RBM27: variants seen among roughly 807,000 people sequenced by gnomAD.
The protein encoded by RBM27 is RNA-binding protein 27.
A neutral mutation model predicts 135.3 loss-of-function variants in RBM27; 22 were observed. The ratio of observed to expected loss-of-function variants is 0.16; its 90% CI spans 0.12 to 0.23. The LOEUF (loss-of-function observed/expected upper bound fraction) is 0.23. Among genes scored for constraint, RBM27 ranks in the 10% least tolerant of loss-of-function variants. The probability of loss-of-function intolerance (pLI) is 1.00; values close to 1 mark genes in which losing one functional copy is unlikely to be tolerated. For missense variants in RBM27, 1,009 were observed against 1,281.0 expected, an observed-to-expected ratio of 0.79 and a Z score of 3.24; for synonymous variants, 481 against 442.4, an observed-to-expected ratio of 1.09 and a Z score of -1.10.
intron 11 of RBM27, 127 bp from the exon 12 acceptor site, chr5:146,260,618 G>T: frequency 1.5e-6 from 1 of 664,628 alleles, no homozygotes; most frequent in Non-Finnish European, 2.5e-6. Flanking sequence ...GGGATTATAG[G>T]TGGAGCCACC....
At chr5:146,217,509 CTG>C (rs1253862923) in intron 1 of RBM27, among the ~76,000 whole-genome samples, 2 of 109,522 alleles carry the variant, frequency 1.8e-5, no homozygotes, top group Non-Finnish European at 3.4e-5. Flanking sequence ...AGGTCTCACT[CTG>C]TTGCCTAGGC....
At chr5:146,225,174 C>T (rs888985622) in intron 3 of RBM27, among the ~76,000 whole-genome samples, 1 of 152,068 alleles carries the variant, frequency 6.6e-6, no homozygotes, top group Non-Finnish European at 1.5e-5. Flanking sequence ...GTTGCCCAGG[C>T]TGGTCTTGAA....
chr5:146,231,790 G>C (rs1756945724), intron 6 of RBM27, among the ~76,000 whole-genome samples: 1 of 151,620 alleles, frequency 6.6e-6, no homozygotes, highest in African/African-American at 2.4e-5. Context: ...GCTAATTTTT[G>C]TATTAGTAGA....
intron 15 of RBM27, among the ~76,000 whole-genome samples, chr5:146,269,001 G>T (rs762239247): frequency 1.3e-5 from 2 of 152,108 alleles, no homozygotes; most frequent in African/African-American, 2.4e-5. Flanking sequence ...AGCTAATTAG[G>T]TCCAATATTT....
rs199578137 is a variant in RBM27 at position 146,229,015 on chromosome 5, C to T, written c.373C>T (p.Arg125Cys). ...KKKYPSPQKTRSESSERRTRE... is the reference protein window; with the variant it reads ...KKKYPSPQKTCSESSERRTRE... ...GAAATATCCTAGTCCCCAGAAGACT[C>T]GTTCAGAATCTAGTGAACGAAGGTT... is the stretch of plus-strand genomic sequence containing the variant. The change falls in exon 4 of 21, where the codon CGT (arginine) becomes TGT (cysteine). Residue 125 changes from arginine (R) to cysteine (C), a missense_variant. Transcript: ENST00000265271. The T allele has an allele frequency of 1.3e-4, 205 of 1,613,404 alleles. No homozygotes were observed. Among genetic ancestry groups the T allele is most frequent in the Non-Finnish European group, 1.6e-4 (192 of 1,179,662 alleles).
rs1758406473 is a variant in RBM27, at chr5:146,261,722, CCAT to C, written c.2109_2111del (p.His704del). 1.2e-6 allele frequency: 2 copies of C among 1,614,070 alleles called. No homozygotes were observed. The highest frequency in any genetic ancestry group is 1.7e-6 in the Non-Finnish European group (2 of 1,180,020). On this transcript the variant is annotated inframe_deletion, in exon 13 of 21. Coordinates refer to ENST00000265271, the MANE Select transcript of RBM27 (RefSeq NM_018989.2). ...CACTTAGTCACCTCTCACAGCAGCA[CCAT>C]CACCTGCCACAGCATCTACATCAGC...
chr5:146,227,029 A>G lies in RBM27; in HGVS notation c.304-1917A>G, dbSNP rs78704034. ...TGTGCTTAGTTGCTCTGAACAGGGT[A>G]TAGAGAAGCAAATCTAGGGATTACC... On this transcript the variant is annotated intron_variant, in intron 3 of 20. Coordinates refer to ENST00000265271, the MANE Select transcript of RBM27 (RefSeq NM_018989.2). 5.9e-3 allele frequency among the ~76,000 whole-genome samples: 903 copies of G among 152,316 alleles called. 8 individuals are homozygous for G. Among genetic ancestry groups the G allele is most frequent in the African/African-American group, 0.02 (850 of 41,578 alleles).
intron 5 of RBM27, 111 bp downstream of exon 5, chr5:146,230,021 A>G: frequency 3.1e-6 from 4 of 1,275,012 alleles, no homozygotes; most frequent in Non-Finnish European, 4.3e-6. Context: ...GAGCAGTGTA[A>G]AAACTGGAAT....
At position 146,255,849 on chromosome 5, in the gene RBM27, TTTC is replaced by T. The variant is rs549358389; in HGVS notation, c.1594+769_1594+771del. Among the ~76,000 whole-genome samples, 210 of 152,146 alleles carry T rather than the reference TTTC, an allele frequency of 1.4e-3. 2 individuals carry two copies. Among genetic ancestry groups the T allele is most frequent in the African/African-American group, 4.6e-3 (193 of 41,518 alleles). ...CCTTTTCTTCCTTTCTTTTCCTTTT[TTTC>T]TTCTTCTTCTTTTTTTTTTTTGAAA... is the stretch of plus-strand genomic sequence containing the variant. On this transcript the variant is annotated intron_variant, in intron 10 of 20. Coordinates refer to ENST00000265271, the MANE Select transcript of RBM27 (RefSeq NM_018989.2).
intron 20 of RBM27, among the ~76,000 whole-genome samples, chr5:146,285,680 A>G (rs1051299150): frequency 6.6e-6 from 1 of 152,096 alleles, no homozygotes; most frequent in Non-Finnish European, 1.5e-5. Flanking sequence ...AATTTTCTGT[A>G]CTAAATGTCC....
In RBM27 at chr5:146,286,533, T is replaced by C. The variant is rs1259304990; in HGVS notation, c.*503T>C. On this transcript the variant is annotated 3_prime_UTR_variant, in exon 21 of 21. Transcript: ENST00000265271. Reference sequence around the variant, plus strand: ...AAATATGTTTATTTTAATTTTAATTTTTTTTTTTTTTTACTTTGGAGGAGC... The same window carrying C: ...AAATATGTTTATTTTAATTTTAATTCTTTTTTTTTTTTACTTTGGAGGAGC... 6.6e-6 allele frequency: 1 copy of C among 151,268 alleles called. No homozygotes were observed. Among genetic ancestry groups the C allele is most frequent in the Non-Finnish European group, 1.5e-5 (1 of 67,816 alleles). The allele number at this position is 151,268 out of a possible 1,614,324, so 9.4% of individuals were successfully genotyped here.
chr5:146,251,911 A>T (rs769682334), intron 9 of RBM27, 36 bp downstream of exon 9: 2 of 1,600,622 alleles, frequency 1.2e-6, no homozygotes, highest in South Asian at 1.1e-5. Flanking sequence ...CACCTCACTG[A>T]TCTTTTTTAC....
Position 146,261,820 on chromosome 5 carries a change from C to G in RBM27, c.2190+14C>G. ...GGTATCCAGAAGGTAATCTGGTTCACTGGGAATTAAAGGTCTTTTAGTTAC... is the reference window on the plus strand; with the variant it reads ...GGTATCCAGAAGGTAATCTGGTTCAGTGGGAATTAAAGGTCTTTTAGTTAC... On this transcript the variant is annotated intron_variant, in intron 13 of 20. Coordinates refer to ENST00000265271, the MANE Select transcript of RBM27 (RefSeq NM_018989.2). The G allele has an allele frequency of 6.2e-7, 1 of 1,613,710 alleles. No homozygotes were observed. The highest frequency in any genetic ancestry group is 8.5e-7 in the Non-Finnish European group (1 of 1,179,686).
chr5:146,230,846 A>G lies in RBM27; in HGVS notation c.779A>G (p.Tyr260Cys), dbSNP rs767297612. 5.6e-6 allele frequency: 9 copies of G among 1,613,990 alleles called. No individual in the cohort carries two copies. Among genetic ancestry groups the G allele is most frequent in the African/African-American group, 4.0e-5 (3 of 74,910 alleles). ...ENTTESWSNY[Y>C]NNHSSSNSFG... ...ACAACTGAGAGTTGGTCTAATTACT[A>G]TAACAATCATAGCTCTTCCAATTCT... Residue 260 changes from tyrosine (Y) to cysteine (C), a missense_variant, in exon 6 of 21, where the codon TAT becomes TGT. Transcript: ENST00000265271.
chr5:146,236,978 G>T (rs1303824321), intron 7 of RBM27, among the ~76,000 whole-genome samples: 1 of 105,948 alleles, frequency 9.4e-6, no homozygotes, highest in Non-Finnish European at 1.8e-5. Context: ...TGCTTTTGTT[G>T]CCCAGGCTGG....
At chr5:146,239,484 T>C (rs55869117) in intron 8 of RBM27, among the ~76,000 whole-genome samples, 26,750 of 139,044 alleles carry the variant, frequency 0.19, 2,751 homozygotes, top group Admixed American at 0.3. Context: ...TTTTTTTTTT[T>C]TTTTTTTTTT....
intron 18 of RBM27, 50 bp from the exon 19 acceptor site, chr5:146,271,433 A>T: frequency 1.8e-5 from 25 of 1,414,452 alleles, no homozygotes; most frequent in Admixed American, 4.5e-5. Flanking sequence ...TTTGTTTTTA[A>T]GGTTTAGTCT....
intron 9 of RBM27, 150 bp downstream of exon 9, chr5:146,252,025 G>T (rs1757911920): frequency 1.0e-5 from 9 of 901,294 alleles, no homozygotes; most frequent in Non-Finnish European, 1.5e-5. Context: ...TTGCTTCTTT[G>T]GTTTGTCTCT....
At chr5:146,264,636 G>A (rs1758539001) in intron 14 of RBM27, among the ~76,000 whole-genome samples, 1 of 140,506 alleles carries the variant, frequency 7.1e-6, no homozygotes, top group African/African-American at 2.6e-5. Flanking sequence ...TGAGCATGGT[G>A]ATTATTACAA....
Sources: allele counts gnomAD v4.1 joint callset (sites outside exome capture counted in the v4.1 genomes callset), GRCh38; gene constraint gnomAD v4.1.1; transcripts MANE v1.5; gene names NCBI Gene and HGNC (gene_info 2026-07-23, HGNC 2026-07-21).